ITGAL: variants seen among roughly 807,000 people sequenced by gnomAD.
ITGAL encodes the protein integrin subunit alpha L, also known as integrin alpha-L.
Under a neutral mutation model 138.4 loss-of-function variants are expected in ITGAL, and 68 were observed. That is an observed-to-expected ratio of 0.49 (90% CI 0.40 to 0.60). The LOEUF (loss-of-function observed/expected upper bound fraction) is 0.60, where lower values mean the gene tolerates loss of function less well. Ranked by LOEUF, ITGAL falls within the 20% of genes least tolerant of loss-of-function variation. The pLI, the probability that ITGAL is intolerant of heterozygous loss-of-function variation, is 0.00. For synonymous variants in ITGAL, 561 were observed against 584.3 expected (o/e 0.96, Z 0.57); for missense variants, 1,256 against 1,478.6 (o/e 0.85, Z 2.47).
chr16:30,504,135 G>T, intron 17 of ITGAL, 40 bp from the exon 18 acceptor site: 1 of 1,482,486 alleles, frequency 6.7e-7, no homozygotes, highest in Non-Finnish European at 9.4e-7. Context: ...TGCGGTAAAA[G>T]TTAGATTCAT....
chr16:30,511,273 T>C (rs967624699), intron 24 of ITGAL, 137 bp downstream of exon 24: 83 of 683,380 alleles, frequency 1.2e-4, no homozygotes, highest in East Asian at 1.3e-4. Flanking sequence ...TAGAACTGAT[T>C]CCAGCCACAA....
chr16:30,514,375 C>T (rs2051136199), intron 25 of ITGAL, among the ~76,000 whole-genome samples: 2 of 151,828 alleles, frequency 1.3e-5, no homozygotes, highest in Non-Finnish European at 2.9e-5. Context: ...CTCCTGAGTT[C>T]AAGCCATTCT....
At chr16:30,516,005 G>C (rs2051161280) in intron 25 of ITGAL, among the ~76,000 whole-genome samples, 2 of 151,678 alleles carry the variant, frequency 1.3e-5, no homozygotes, top group Non-Finnish European at 1.5e-5. Flanking sequence ...ATCTTTCACA[G>C]TCAAATTCAA....
intron 17 of ITGAL, among the ~76,000 whole-genome samples, chr16:30,502,802 G>T (rs2050924505): frequency 6.9e-6 from 1 of 145,900 alleles, no homozygotes; most frequent in Admixed American, 7.4e-5. Context: ...ATAAGAATTT[G>T]AAGTTTGTTT....
At chr16:30,479,648 C>CTTTTTTTTTTTTTTTTTT in intron 6 of ITGAL, among the ~76,000 whole-genome samples, 187 bp downstream of exon 6, 1 of 72,830 alleles carries the variant, frequency 1.4e-5, no homozygotes, top group Non-Finnish European at 2.5e-5. Flanking sequence ...TTCTCATTTC[C>CTTTTTTTTTTTTTTTTTT]TTTTTTTTTT....
chr16:30,496,717 C>G (rs1381291553), intron 15 of ITGAL, 151 bp downstream of exon 15: 2 of 660,000 alleles, frequency 3.0e-6, no homozygotes, highest in Non-Finnish European at 4.5e-6. Flanking sequence ...TCATAACTCA[C>G]TGCAGCCTCG....
At chr16:30,502,011 C>A (rs547668197) in intron 17 of ITGAL, among the ~76,000 whole-genome samples, 27 of 152,200 alleles carry the variant, frequency 1.8e-4, no homozygotes, top group African/African-American at 6.3e-4. Flanking sequence ...CCAGCCTGGG[C>A]AACAGAATGA....
intron 15 of ITGAL, 67 bp from the exon 16 acceptor site, chr16:30,499,007 C>A: frequency 6.7e-7 from 1 of 1,499,604 alleles, no homozygotes; most frequent in Non-Finnish European, 9.1e-7. Context: ...CTGGCGGGAG[C>A]CCCACATCTG....
intron 18 of ITGAL, chr16:30,504,789 G>A (rs2050959729): frequency 1.3e-5 from 2 of 154,770 alleles, no homozygotes; most frequent in South Asian, 4.0e-4. Flanking sequence ...GGCTGAGGGG[G>A]GTGGATTGCT....
intron 2 of ITGAL, 37 bp downstream of exon 2, chr16:30,474,335 G>A: frequency 6.9e-7 from 1 of 1,445,764 alleles, no homozygotes; most frequent in Non-Finnish European, 9.6e-7. Flanking sequence ...CCTGATGCCC[G>A]CCCTGGGGCA....
At chr16:30,489,559 C>T (rs1027953691) in intron 11 of ITGAL, among the ~76,000 whole-genome samples, 173 bp downstream of exon 11, 2 of 152,154 alleles carry the variant, frequency 1.3e-5, no homozygotes, top group African/African-American at 4.8e-5. Flanking sequence ...GATGCTTTGA[C>T]ATCTTGGGGC....
At chr16:30,519,812 G>A (rs1440434604) in intron 29 of ITGAL, 45 bp from the exon 30 acceptor site, 1 of 1,254,988 alleles carries the variant, frequency 8.0e-7, no homozygotes, top group Non-Finnish European at 1.2e-6. Flanking sequence ...GGACTTTCAG[G>A]GGTGGAAAAG....
chr16:30,506,659 T>G, intron 20 of ITGAL, 56 bp from the exon 21 acceptor site: 2 of 1,457,218 alleles, frequency 1.4e-6, no homozygotes, highest in Non-Finnish European at 1.9e-6. Flanking sequence ...CCCTCAGTTC[T>G]GATATTCCCC....
chr16:30,475,074 G>A (rs570928333), intron 2 of ITGAL, among the ~76,000 whole-genome samples: 1 of 152,142 alleles, frequency 6.6e-6, no homozygotes, highest in East Asian at 1.9e-4. Context: ...GGCCAGGCTG[G>A]TCTCAAGTTC....
intron 21 of ITGAL, among the ~76,000 whole-genome samples, chr16:30,509,189 AAAAG>A (rs1482683077): frequency 1.1e-4 from 17 of 151,892 alleles, no homozygotes; most frequent in South Asian, 2.1e-4. Flanking sequence ...AAAAAAAAAA[AAAAG>A]AGAGAGAGAG....
intron 1 of ITGAL, 106 bp from the exon 2 acceptor site, chr16:30,474,090 G>A (rs1415079612): frequency 5.1e-6 from 4 of 787,160 alleles, no homozygotes; most frequent in Non-Finnish European, 8.7e-6. Context: ...CAGGGTGCGG[G>A]TGGCCTGGGG....
intron 21 of ITGAL, 22 bp from the exon 22 acceptor site, chr16:30,510,339 T>G (rs750875057): frequency 6.8e-7 from 1 of 1,466,278 alleles, no homozygotes; most frequent in Non-Finnish European, 9.6e-7. Context: ...TTAACAAACT[T>G]GTTTCCTCCT....
At chr16:30,518,331 C>A (rs557849832) in intron 28 of ITGAL, among the ~76,000 whole-genome samples, 1 of 152,060 alleles carries the variant, frequency 6.6e-6, no homozygotes, top group East Asian at 1.9e-4. Flanking sequence ...TGCCTGTAAT[C>A]CCAGCTACTT....
intron 17 of ITGAL, 133 bp downstream of exon 17, chr16:30,499,622 A>G: frequency 1.5e-6 from 1 of 682,096 alleles, no homozygotes; most frequent in Non-Finnish European, 2.4e-6. Flanking sequence ...AATGGTAGTA[A>G]TAACACCCTT....
Sources: allele counts gnomAD v4.1 joint callset (sites outside exome capture counted in the v4.1 genomes callset), GRCh38; gene constraint gnomAD v4.1.1; transcripts MANE v1.5; gene names NCBI Gene and HGNC (gene_info 2026-07-23, HGNC 2026-07-21).